Variants in COMMD10 observed in about 807,000 individuals in gnomAD.
COMMD10 encodes COMM domain containing 10.
COMMD10 carries 33 observed loss-of-function variants against 28.9 expected under a neutral mutation model. The observed-to-expected ratio is 1.14, with a 90% CI of 0.87 to 1.53. The LOEUF (loss-of-function observed/expected upper bound fraction) is 1.53. COMMD10 is among the 40% of genes most tolerant of loss of function. The pLI, the probability that COMMD10 is intolerant of heterozygous loss-of-function variation, is 0.00. For missense variants in COMMD10, 310 were observed against 233.4 expected (o/e 1.33, Z -2.14); for synonymous variants, 110 against 81.7 (o/e 1.35, Z -1.87).
chr5:116,225,818 T>C (rs896529508), intron 5 of COMMD10, among the ~76,000 whole-genome samples: 8 of 152,124 alleles, frequency 5.3e-5, no homozygotes, highest in South Asian at 2.1e-4. Flanking sequence ...GTTTTTTTTT[T>C]TTTCTCTTCC....
At chr5:116,188,613 C>CCTTG (rs1263939512) in intron 5 of COMMD10, 1 of 142,956 alleles carries the variant, frequency 7.0e-6, no homozygotes, top group Non-Finnish European at 1.5e-5. Context: ...TTCCTTCCTT[C>CCTTG]CTTCCTTCTT....
intron 5 of COMMD10, among the ~76,000 whole-genome samples, chr5:116,201,332 A>C (rs748976464): frequency 4.6e-5 from 7 of 152,162 alleles, no homozygotes; most frequent in Non-Finnish European, 1.0e-4. Flanking sequence ...AACCAGATCA[A>C]GTTTCTGGAG....
intron 5 of COMMD10, among the ~76,000 whole-genome samples, chr5:116,267,888 C>T (rs941514819): frequency 5.9e-5 from 9 of 151,826 alleles, no homozygotes; most frequent in African/African-American, 2.2e-4. Flanking sequence ...GGAAAACTGG[C>T]TAGCCATATG....
At chr5:116,224,453 G>A (rs1749341439) in intron 5 of COMMD10, among the ~76,000 whole-genome samples, 1 of 152,330 alleles carries the variant, frequency 6.6e-6, no homozygotes, top group African/African-American at 2.4e-5. Flanking sequence ...TGTACAGGAA[G>A]TGTAGTGCTC....
intron 5 of COMMD10, among the ~76,000 whole-genome samples, chr5:116,150,423 A>G (rs1365642865): frequency 6.6e-6 from 1 of 152,292 alleles, no homozygotes; most frequent in East Asian, 1.9e-4. Context: ...TGGGGATGGC[A>G]TTGAATGTAT....
chr5:116,269,970 A>G (rs1159000529), intron 5 of COMMD10, among the ~76,000 whole-genome samples: 3 of 152,018 alleles, frequency 2.0e-5, no homozygotes, highest in South Asian at 2.1e-4. Context: ...AAGGGAAAAG[A>G]TGTATTAATT....
rs141363625 is a variant in COMMD10, at chr5:116,201,564, C to G, written c.510+67386C>G. On this transcript the variant is annotated intron_variant, in intron 5 of 6. Transcript: ENST00000274458. Reference sequence around the variant, plus strand: ...TCCAATCTGGGGGGCAATGGTTTACCCTATGACTTGACTTCTCTTATGGAT... The same window carrying G: ...TCCAATCTGGGGGGCAATGGTTTACGCTATGACTTGACTTCTCTTATGGAT... 5.7e-3 allele frequency among the ~76,000 whole-genome samples: 869 copies of G among 152,170 alleles called. 8 individuals carry two copies. The highest frequency in any genetic ancestry group is 0.02 in the African/African-American group (828 of 41,530).
At chr5:116,119,524 A>G (rs1164769742) in intron 4 of COMMD10, among the ~76,000 whole-genome samples, 1 of 151,738 alleles carries the variant, frequency 6.6e-6, no homozygotes, top group Non-Finnish European at 1.5e-5. Flanking sequence ...AGTCACTTGG[A>G]TATGGTAATA....
rs1034736601 is a variant in COMMD10, at chr5:116,202,518, C to A, written c.510+68340C>A. Among the ~76,000 whole-genome samples, 24 of 150,686 alleles carry A rather than the reference C, an allele frequency of 1.6e-4. 1 individual carries two copies. The highest frequency in any genetic ancestry group is 1.6e-3 in the Admixed American group (24 of 15,192). ...GTCCCACCAACAGTGTAAAAGTGTT[C>A]CTATTTCTCCACATCCTCTCCAGCA... On this transcript the variant is annotated intron_variant, in intron 5 of 6. Transcript: ENST00000274458.
intron 5 of COMMD10, among the ~76,000 whole-genome samples, chr5:116,168,433 AAATT>A: frequency 6.6e-6 from 1 of 152,200 alleles, no homozygotes; most frequent in East Asian, 1.9e-4. Flanking sequence ...ATGGGACAAA[AAATT>A]AATAAGGATA....
In COMMD10 at chr5:116,207,447, G is replaced by A. The variant is rs73259003; in HGVS notation, c.510+73269G>A. On this transcript the variant is annotated intron_variant, in intron 5 of 6. Transcript: ENST00000274458. ...CAAGAAGTTGTACAAAGATAATATCGATGTTCTCTTTTATTCATCAGTTTC... is the reference window on the plus strand; with the variant it reads ...CAAGAAGTTGTACAAAGATAATATCAATGTTCTCTTTTATTCATCAGTTTC... Among the ~76,000 whole-genome samples, 1,242 of 152,102 alleles carry A rather than the reference G, an allele frequency of 8.2e-3. 23 individuals carry two copies. Among genetic ancestry groups the A allele is most frequent in the African/African-American group, 0.028 (1,154 of 41,498 alleles).
At chr5:116,221,654 A>T (rs182227719) in intron 5 of COMMD10, among the ~76,000 whole-genome samples, 8 of 152,306 alleles carry the variant, frequency 5.3e-5, no homozygotes, top group African/African-American at 1.9e-4. Flanking sequence ...AAAAGTGTAG[A>T]TACCTGCATC....
intron 4 of COMMD10, among the ~76,000 whole-genome samples, chr5:116,105,873 G>A (rs1750820038): frequency 6.6e-6 from 1 of 152,000 alleles, no homozygotes; most frequent in Non-Finnish European, 1.5e-5. Context: ...GTCTGGCTAA[G>A]GGTCTGTGTA....
intron 5 of COMMD10, among the ~76,000 whole-genome samples, chr5:116,180,923 C>G (rs972313820): frequency 2.0e-5 from 3 of 151,992 alleles, no homozygotes; most frequent in Admixed American, 6.6e-5. Flanking sequence ...GAGGCTGAGG[C>G]GGGCAGATTG....
At chr5:116,265,833 G>C (rs1244894670) in intron 5 of COMMD10, among the ~76,000 whole-genome samples, 1 of 151,734 alleles carries the variant, frequency 6.6e-6, no homozygotes, top group Non-Finnish European at 1.5e-5. Flanking sequence ...CATGCAGTTC[G>C]ACACCAGAGA....
chr5:116,181,907 G>A (rs1366547658), intron 5 of COMMD10, among the ~76,000 whole-genome samples: 2 of 151,916 alleles, frequency 1.3e-5, no homozygotes, highest in African/African-American at 4.8e-5. Context: ...GGCATATTTC[G>A]AGCTGGAGAT....
rs140082095 is a variant in COMMD10 at position 116,183,249 on chromosome 5, T to C, written c.510+49071T>C. On this transcript the variant is annotated intron_variant, in intron 5 of 6. Coordinates refer to ENST00000274458, the MANE Select transcript of COMMD10 (RefSeq NM_016144.4). ...TAGTCAAAATATGAAATGTTAATAT[T>C]TATAGGGGAGACTAAGGATGATGCC... Among the ~76,000 whole-genome samples, 1,093 of 152,144 alleles carry C rather than the reference T, an allele frequency of 7.2e-3. 17 individuals carry two copies. The highest frequency in any genetic ancestry group is 0.025 in the African/African-American group (1,048 of 41,508).
chr5:116,135,907 A>G (rs1752012419), intron 5 of COMMD10, among the ~76,000 whole-genome samples: 1 of 152,164 alleles, frequency 6.6e-6, no homozygotes, highest in South Asian at 2.1e-4. Flanking sequence ...TTTGATTCTC[A>G]GTTTCTTTAT....
At chr5:116,097,213 A>G (rs1750496170) in intron 4 of COMMD10, among the ~76,000 whole-genome samples, 2 of 152,194 alleles carry the variant, frequency 1.3e-5, no homozygotes, top group African/African-American at 4.8e-5. Flanking sequence ...TGTCCCATTG[A>G]GAATGCTGGA....
Sources: allele counts gnomAD v4.1 joint callset (sites outside exome capture counted in the v4.1 genomes callset), GRCh38; gene constraint gnomAD v4.1.1; transcripts MANE v1.5; gene names NCBI Gene and HGNC (gene_info 2026-07-23, HGNC 2026-07-21).